Variants in RABGAP1 observed in about 807,000 individuals in gnomAD.
The protein encoded by RABGAP1 is RAB GTPase activating protein 1.
In RABGAP1, 23 loss-of-function variants were observed where a neutral mutation model predicts 137.6. The ratio of observed to expected loss-of-function variants is 0.17; its 90% confidence interval spans 0.12 to 0.24. The LOEUF is 0.24. Ranked by LOEUF, RABGAP1 falls within the 10% of genes least tolerant of loss-of-function variation. The pLI is 1.00. For missense variants in RABGAP1, 906 were observed against 1,275.8 expected (o/e 0.71, Z 4.42); for synonymous variants, 451 against 450.7 (o/e 1.00, Z -0.01).
At chr9:123,096,166 C>CT (rs1259844086) in intron 21 of RABGAP1, among the ~76,000 whole-genome samples, 4 of 152,174 alleles carry the variant, frequency 2.6e-5, no homozygotes, top group African/African-American at 7.2e-5. Flanking sequence ...TTCTGTGACT[C>CT]TAACTGTGCA....
intron 25 of RABGAP1, among the ~76,000 whole-genome samples, 165 bp from the exon 26 acceptor site, chr9:123,102,926 A>C (rs2035385545): frequency 6.6e-6 from 1 of 152,240 alleles, no homozygotes; most frequent in African/African-American, 2.4e-5. Context: ...AAAAGCTCCC[A>C]AATCTTTAGG....
At chr9:122,979,414 C>A (rs1287750655) in intron 2 of RABGAP1, among the ~76,000 whole-genome samples, 1 of 152,058 alleles carries the variant, frequency 6.6e-6, no homozygotes, top group African/African-American at 2.4e-5. Context: ...AATGTTTTCT[C>A]CAGGTCTGGC....
intron 13 of RABGAP1, 78 bp from the exon 14 acceptor site, chr9:123,065,270 A>G (rs772541872): frequency 2.0e-6 from 2 of 1,014,472 alleles, no homozygotes; most frequent in Non-Finnish European, 3.0e-6. Context: ...TGTGTAAATG[A>G]GAAGACCTTG....
At position 123,034,187 on chromosome 9, in the gene RABGAP1, C is replaced by G. The variant is rs374111846; in HGVS notation, c.1794+13728C>G. The G allele has an allele frequency of 1.3e-5, 3 of 234,804 alleles. No homozygotes were observed. The East Asian group carries it at 2.9e-4, about 22-fold the overall frequency. The allele number at this position is 234,804 out of a possible 1,614,324, so 14.5% of individuals were successfully genotyped here. Reference sequence around the variant, plus strand: ...TTCTATCAGCTGTTCAGAGGAGACTCATTACAACTCCTGCTGAAGCTCCTA... The same window carrying G: ...TTCTATCAGCTGTTCAGAGGAGACTGATTACAACTCCTGCTGAAGCTCCTA... On this transcript the variant is annotated intron_variant, in intron 13 of 25. Transcript: ENST00000373647.
At chr9:123,090,420 T>C in intron 21 of RABGAP1, 35 bp downstream of exon 21, 1 of 1,486,368 alleles carries the variant, frequency 6.7e-7, no homozygotes, top group South Asian at 1.2e-5. Context: ...AAGATCTCAC[T>C]GAGACACTTG....
At position 122,990,148 on chromosome 9, in the gene RABGAP1, C is replaced by T; in HGVS notation, c.858C>T (p.Asp286=). The T allele has an allele frequency of 2.5e-6, 4 of 1,612,280 alleles. No homozygotes were observed. The highest frequency in any genetic ancestry group is 1.1e-5 in the South Asian group (1 of 91,006). The change falls in exon 6 of 26, where the codon GAC becomes GAT. Residue 286 remains aspartate (D), a synonymous_variant. Transcript: ENST00000373647. ...LSATAAPQTP[D]SDIFTFSVSL... ...CCACTGCTGCACCCCAGACTCCTGACAGTGACATCTTTACCTTCTCTGTGT... is the reference window on the plus strand; with the variant it reads ...CCACTGCTGCACCCCAGACTCCTGATAGTGACATCTTTACCTTCTCTGTGT...
At chr9:123,035,846 T>G in intron 13 of RABGAP1, 1 of 471,104 alleles carries the variant, frequency 2.1e-6, no homozygotes, top group Non-Finnish European at 3.7e-6. Context: ...GAAGACAAAT[T>G]GCTCTTGCTC....
the RABGAP1 span, among the ~76,000 whole-genome samples, chr9:122,935,194 C>G: frequency 2.0e-5 from 3 of 152,110 alleles, no homozygotes; most frequent in African/African-American, 7.2e-5. Context: ...AGGTATTACA[C>G]TCAACATCCA....
At chr9:122,957,293 G>A (rs1170286249) in intron 2 of RABGAP1, 84 bp downstream of exon 2, 2 of 1,080,352 alleles carry the variant, frequency 1.9e-6, no homozygotes, top group Non-Finnish European at 2.5e-6. Context: ...ACAGATATGG[G>A]AGGAAAGTGA....
At chr9:123,069,967 G>C (rs1264964405) in intron 14 of RABGAP1, among the ~76,000 whole-genome samples, 1 of 152,196 alleles carries the variant, frequency 6.6e-6, no homozygotes, top group Admixed American at 6.6e-5. Context: ...AGAGAAGAGA[G>C]GAATTCATTC....
intron 13 of RABGAP1, among the ~76,000 whole-genome samples, chr9:123,039,992 A>AG (rs1354063296): frequency 5.3e-5 from 8 of 152,152 alleles, no homozygotes; most frequent in African/African-American, 1.9e-4. Context: ...ATTATGTAAG[A>AG]GCAGTGGCTT....
intron 10 of RABGAP1, among the ~76,000 whole-genome samples, chr9:123,002,263 C>T (rs527337837): frequency 7.6e-4 from 114 of 150,350 alleles, no homozygotes; most frequent in Admixed American, 2.2e-3. Context: ...ATCACACCAT[C>T]GCACTCCAGC....
intron 13 of RABGAP1, among the ~76,000 whole-genome samples, chr9:123,056,481 CTTTTTTTTTTT>C (rs530004900): frequency 7.6e-6 from 1 of 131,850 alleles, no homozygotes; most frequent in African/African-American, 2.8e-5. Flanking sequence ...TTTCTTTTTT[CTTTTTTTTTTT>C]TTTTTTAATT....
chr9:123,002,561 G>A (rs1018186329), intron 10 of RABGAP1, among the ~76,000 whole-genome samples: 2 of 151,062 alleles, frequency 1.3e-5, no homozygotes, highest in Non-Finnish European at 3.0e-5. Context: ...AGACTGCATG[G>A]GTTTACAAGG....
chr9:122,932,075 C>A, the RABGAP1 span, among the ~76,000 whole-genome samples: 1 of 152,212 alleles, frequency 6.6e-6, no homozygotes, highest in Non-Finnish European at 1.5e-5. Context: ...TGGACGAGAT[C>A]TCCAGCTGTC....
At chr9:123,074,736 A>G (rs1157248659) in intron 17 of RABGAP1, among the ~76,000 whole-genome samples, 1 of 152,210 alleles carries the variant, frequency 6.6e-6, no homozygotes, top group African/African-American at 2.4e-5. Context: ...TCTCTTGTGA[A>G]AAAAAGTCAA....
chr9:122,985,194 C>T lies in RABGAP1; in HGVS notation c.385+475C>T, dbSNP rs904210254. 2.0e-5 allele frequency among the ~76,000 whole-genome samples: 3 copies of T among 152,168 alleles called. 1 individual carries two copies. The South Asian group carries it at 6.2e-4, about 32-fold the overall frequency. Reference sequence around the variant, plus strand: ...GAGGAGAAGGACAACTTAAAAGACTCATTTGGAAAAGCAGGTGCTAAAACT... The same window carrying T: ...GAGGAGAAGGACAACTTAAAAGACTTATTTGGAAAAGCAGGTGCTAAAACT... On this transcript the variant is annotated intron_variant, in intron 3 of 25. Transcript: ENST00000373647.
At chr9:123,026,364 C>G (rs1404700607) in intron 13 of RABGAP1, among the ~76,000 whole-genome samples, 6 of 152,088 alleles carry the variant, frequency 3.9e-5, no homozygotes, top group African/African-American at 1.2e-4. Flanking sequence ...CCTTCTATCC[C>G]TGCTTTGGAT....
rs545617492 is a variant in RABGAP1, at chr9:122,962,880, G to C, written c.150+5671G>C. Among the ~76,000 whole-genome samples, 16 of 152,202 alleles carry C rather than the reference G, an allele frequency of 1.1e-4. 1 individual carries two copies. In the South Asian group the frequency reaches 3.3e-3, roughly 32 times the overall value. The stretch of plus-strand genomic sequence containing the variant: ...AGATACAAATAGATTTAAAATAAAA[G>C]GATGGAAAAATATAATGCAAACAGC... On this transcript the variant is annotated intron_variant, in intron 2 of 25. Transcript: ENST00000373647.
Sources: allele counts gnomAD v4.1 joint callset (sites outside exome capture counted in the v4.1 genomes callset), GRCh38; gene constraint gnomAD v4.1.1; transcripts MANE v1.5; gene names NCBI Gene and HGNC (gene_info 2026-07-23, HGNC 2026-07-21).